Variants in MMP16 observed in about 807,000 individuals in gnomAD.
MMP16 encodes matrix metallopeptidase 16.
MMP16 carries 12 observed loss-of-function variants against 67.8 expected under a neutral mutation model. The ratio of observed to expected loss-of-function variants is 0.18; its 90% CI spans 0.11 to 0.29. The LOEUF (loss-of-function observed/expected upper bound fraction) is 0.29, where lower values mean the gene tolerates loss of function less well. MMP16 is among the 10% of genes least tolerant of loss of function. The pLI is 1.00. For missense variants in MMP16, 475 were observed against 765.7 expected (o/e 0.62, Z 4.48); for synonymous variants, 249 against 255.9 (o/e 0.97, Z 0.26).
At chr8:88,294,462 C>G (rs949549092) in intron 1 of MMP16, among the ~76,000 whole-genome samples, 1 of 148,700 alleles carries the variant, frequency 6.7e-6, no homozygotes, top group Non-Finnish European at 1.5e-5. Flanking sequence ...ATATGCATGT[C>G]TCTGTACACA....
At chr8:88,092,551 A>T (rs1808955587) in intron 6 of MMP16, among the ~76,000 whole-genome samples, 1 of 151,882 alleles carries the variant, frequency 6.6e-6, no homozygotes, top group Non-Finnish European at 1.5e-5. Context: ...TCACCTTAGG[A>T]GAGGGATTTT....
chr8:88,221,072 T>C (rs1484615604), intron 1 of MMP16, among the ~76,000 whole-genome samples: 1 of 151,614 alleles, frequency 6.6e-6, no homozygotes, highest in Admixed American at 6.6e-5. Context: ...CTTCAGGACT[T>C]AGGAATACCA....
At chr8:88,162,455 T>C (rs1475567058) in intron 4 of MMP16, among the ~76,000 whole-genome samples, 1 of 152,098 alleles carries the variant, frequency 6.6e-6, no homozygotes, top group Non-Finnish European at 1.5e-5. Flanking sequence ...GTAGAGTTAA[T>C]ATTTTTAGAA....
At chr8:88,046,560 C>T (rs1808201582) in intron 9 of MMP16, 109 bp downstream of exon 9, 4 of 547,750 alleles carry the variant, frequency 7.3e-6, no homozygotes, top group Non-Finnish European at 1.3e-5. Context: ...TACAGTATTA[C>T]ATAGCTCTAG....
At chr8:88,277,312 C>T (rs993309814) in intron 1 of MMP16, among the ~76,000 whole-genome samples, 3 of 152,148 alleles carry the variant, frequency 2.0e-5, no homozygotes, top group Non-Finnish European at 2.9e-5. Context: ...TTATGTGTAT[C>T]TTCTTCAAAT....
chr8:88,146,790 TA>T (rs544861223), intron 4 of MMP16, among the ~76,000 whole-genome samples: 9,960 of 145,112 alleles, frequency 0.069, 552 homozygotes, highest in African/African-American at 0.14. Context: ...TAAACCAAAA[TA>T]AAAAAAAAAA....
intron 1 of MMP16, among the ~76,000 whole-genome samples, chr8:88,298,514 A>G (rs1811046189): frequency 6.6e-6 from 1 of 152,216 alleles, no homozygotes; most frequent in South Asian, 2.1e-4. Context: ...GCTCGGCAGC[A>G]TGAAAAATCA....
intron 1 of MMP16, among the ~76,000 whole-genome samples, chr8:88,217,668 G>A (rs1037059261): frequency 6.6e-6 from 1 of 151,924 alleles, no homozygotes; most frequent in Admixed American, 6.6e-5. Flanking sequence ...GACAGTTGAA[G>A]ATGTTCTCAT....
intron 3 of MMP16, 53 bp from the exon 4 acceptor site, chr8:88,168,026 T>C (rs904480863): frequency 4.3e-6 from 6 of 1,400,018 alleles, no homozygotes; most frequent in Middle Eastern, 1.8e-4. Flanking sequence ...GCTAACTTAG[T>C]ACAGGTTTTG....
At chr8:88,148,908 G>C (rs2681302) in intron 4 of MMP16, among the ~76,000 whole-genome samples, 1 of 152,190 alleles carries the variant, frequency 6.6e-6, no homozygotes, top group Non-Finnish European at 1.5e-5. Flanking sequence ...CAGCGTGAGC[G>C]ACGCAGAAGA....
intron 6 of MMP16, among the ~76,000 whole-genome samples, chr8:88,112,670 T>TGTGTGTGTGTGTGTGTGTGC (rs2118416328): frequency 6.8e-6 from 1 of 146,310 alleles, no homozygotes; most frequent in Non-Finnish European, 1.5e-5. Context: ...CAGAAGGGTG[T>TGTGTGTGTGTGTGTGTGTGC]GTGTGTGTGT....
At chr8:88,221,121 T>C (rs1364721777) in intron 1 of MMP16, among the ~76,000 whole-genome samples, 2 of 151,700 alleles carry the variant, frequency 1.3e-5, no homozygotes, top group African/African-American at 4.8e-5. Context: ...AGAGATGAGG[T>C]ACCAAAATAG....
At chr8:88,046,352 A>T (rs1276050806) in intron 9 of MMP16, among the ~76,000 whole-genome samples, 2 of 152,098 alleles carry the variant, frequency 1.3e-5, no homozygotes, top group Admixed American at 6.6e-5. Flanking sequence ...TGTCCCATGT[A>T]TTTTTGTTAT....
At chr8:88,090,943 G>T (rs1342907766) in intron 6 of MMP16, among the ~76,000 whole-genome samples, 1 of 151,774 alleles carries the variant, frequency 6.6e-6, no homozygotes, top group East Asian at 1.9e-4. Flanking sequence ...AGTCAATATT[G>T]TGTCTGGAAA....
In MMP16 at chr8:88,241,637, T is replaced by C. The variant is rs571695231; in HGVS notation, c.133-44331A>G. On this transcript the variant is annotated intron_variant, in intron 1 of 9. Transcript: ENST00000286614. ...CATGATGTTTTGATATAAGTATACA[T>C]TGTGGAATGTCTAAAACAAGCTATT... Among the ~76,000 whole-genome samples, 3 of 152,200 alleles carry C rather than the reference T, an allele frequency of 2.0e-5. No individual in the cohort carries two copies. The East Asian group carries it at 5.8e-4, about 29-fold the overall frequency.
chr8:88,056,151 T>C lies in MMP16; in HGVS notation c.1350A>G (p.Lys450=). The C allele has an allele frequency of 1.3e-6, 2 of 1,584,566 alleles. No individual in the cohort carries two copies. The highest frequency in any genetic ancestry group is 2.3e-5 in the East Asian group (1 of 43,394). Residue 450 remains lysine (K), a synonymous_variant, in exon 8 of 10, where the codon AAA becomes AAG. Transcript: ENST00000286614. Reference sequence around the variant, plus strand: ...ACCTGTCTCCCTTGAAGAAATAGGTTTTCCCGACGTCCTCCCACCAAATGG... The same window carrying C: ...ACCTGTCTCCCTTGAAGAAATAGGTCTTCCCGACGTCCTCCCACCAAATGG... The part of the protein sequence containing the change: ...DSAIWWEDVG[K]TYFFKGDRYW...
At chr8:88,277,539 A>G (rs1002304331) in intron 1 of MMP16, among the ~76,000 whole-genome samples, 1 of 151,766 alleles carries the variant, frequency 6.6e-6, no homozygotes, top group African/African-American at 2.4e-5. Flanking sequence ...TATAGCTGAA[A>G]CTGTGCTGCC....
At chr8:88,172,718 G>A (rs1196487703) in intron 3 of MMP16, among the ~76,000 whole-genome samples, 6 of 152,056 alleles carry the variant, frequency 3.9e-5, no homozygotes, top group Admixed American at 6.6e-5. Context: ...TTTAACAGAT[G>A]ATAGATTTCA....
intron 1 of MMP16, among the ~76,000 whole-genome samples, chr8:88,204,917 A>G (rs1809402833): frequency 6.6e-6 from 1 of 152,162 alleles, no homozygotes; most frequent in South Asian, 2.1e-4. Context: ...CGTATCCTAC[A>G]GAAACAATTT....
Sources: gnomAD v4.1 joint callset for allele counts (sites outside exome capture counted in the v4.1 genomes callset) on GRCh38, gnomAD v4.1.1 for gene constraint, MANE v1.5 for transcripts, NCBI Gene and HGNC (gene_info 2026-07-23, HGNC 2026-07-21) for gene names.